LRMDA: variants seen among roughly 807,000 people sequenced by gnomAD.
LRMDA encodes the protein leucine rich melanocyte differentiation associated.
LRMDA carries 18 observed loss-of-function variants against 29.8 expected under a neutral mutation model. The observed-to-expected ratio is 0.60, with a 90% CI of 0.42 to 0.90. The LOEUF (loss-of-function observed/expected upper bound fraction) is 0.90, where lower values mean the gene tolerates loss of function less well. LRMDA is among the 40% of genes least tolerant of loss of function. LRMDA has a pLI of 0.00. For missense variants in LRMDA, 273 were observed against 273.9 expected (o/e 1.00, Z 0.02); for synonymous variants, 125 against 109.4 (o/e 1.14, Z -0.89).
intron 6 of LRMDA, among the ~76,000 whole-genome samples, chr10:76,381,619 C>T (rs922318524): frequency 1.3e-5 from 2 of 152,134 alleles, no homozygotes; most frequent in African/African-American, 4.8e-5. Flanking sequence ...ATCCGGTAAG[C>T]ATCTCCGTGC....
intron 5 of LRMDA, among the ~76,000 whole-genome samples, chr10:76,162,760 A>G (rs1236683541): frequency 1.3e-5 from 2 of 152,188 alleles, no homozygotes; most frequent in African/African-American, 2.4e-5. Context: ...ACAATTCAAC[A>G]TGAGATTTGG....
chr10:76,549,192 C>T lies in LRMDA; in HGVS notation c.602-8017C>T, dbSNP rs529065489. Reference sequence around the variant, plus strand: ...TTTCTTGAGGCTCTGGTTTGTCACACGACAATGAGCCTGCCCACTCTGTGA... The same window carrying T: ...TTTCTTGAGGCTCTGGTTTGTCACATGACAATGAGCCTGCCCACTCTGTGA... On this transcript the variant is annotated intron_variant, in intron 6 of 6. Coordinates refer to ENST00000611255, the MANE Select transcript of LRMDA (RefSeq NM_001305581.2). Among the ~76,000 whole-genome samples the T allele has an allele frequency of 4.2e-4, 64 of 152,260 alleles. 1 individual carries two copies. In the Middle Eastern group the frequency reaches 0.01, roughly 24 times the overall value.
rs1733595826 is a variant in LRMDA, at chr10:75,862,696, T to C, written c.132-173312T>C. 2.0e-5 allele frequency among the ~76,000 whole-genome samples: 3 copies of C among 152,266 alleles called. No homozygotes were observed. In the South Asian group the frequency reaches 6.2e-4, roughly 32 times the overall value. On this transcript the variant is annotated intron_variant, in intron 2 of 6. Coordinates refer to ENST00000611255, the MANE Select transcript of LRMDA (RefSeq NM_001305581.2). The stretch of plus-strand genomic sequence containing the variant: ...TTAACAGGGAAATAACTAAACCTCC[T>C]AGGGTTTGTTGGCGCTAATAAAATG...
chr10:75,623,564 C>T (rs563829351), intron 2 of LRMDA, among the ~76,000 whole-genome samples: 4 of 152,212 alleles, frequency 2.6e-5, no homozygotes, highest in South Asian at 2.1e-4. Flanking sequence ...AGGAGCTCAG[C>T]GTTTTCTTAA....
chr10:75,582,186 A>G (rs10824319), intron 2 of LRMDA, among the ~76,000 whole-genome samples: 93,134 of 152,106 alleles, frequency 0.61, 31,519 homozygotes, highest in East Asian at 0.85. Flanking sequence ...GCTCCACTAA[A>G]CAGTGCCCCA....
At position 76,036,060 on chromosome 10, in the gene LRMDA, A is replaced by G; in HGVS notation, c.184A>G (p.Asn62Asp). The G allele has an allele frequency of 1.2e-6, 2 of 1,614,128 alleles. No individual in the cohort carries two copies. The highest frequency in any genetic ancestry group is 1.7e-6 in the Non-Finnish European group (2 of 1,180,038). The change falls in exon 3 of 7, where the codon AAC (asparagine) becomes GAC (aspartate). Residue 62 changes from asparagine to aspartate, a missense_variant. By Grantham distance (23) the Asn-to-Asp change is conservative (BLOSUM62 1). Coordinates refer to ENST00000611255, the MANE Select transcript of LRMDA (RefSeq NM_001305581.2). ...FRSLEELILDNNQLGDDLVLP... is the reference protein window; with the variant it reads ...FRSLEELILDDNQLGDDLVLP... ...GAGCCTGGAGGAACTCATCTTGGACAACAATCAGCTGGGGGACGACCTTGT... is the reference window on the plus strand; with the variant it reads ...GAGCCTGGAGGAACTCATCTTGGACGACAATCAGCTGGGGGACGACCTTGT...
chr10:75,533,782 A>G lies in LRMDA; in HGVS notation c.131+95288A>G, dbSNP rs146089151. ...TTGGGCCCACTCAGAGGATGAGAGG[A>G]GAGAGAGAGTCAACGATATTCCACA... On this transcript the variant is annotated intron_variant, in intron 2 of 6. Transcript: ENST00000611255. Among the ~76,000 whole-genome samples the G allele has an allele frequency of 5.8e-3, 878 of 152,172 alleles. 11 individuals are homozygous for G. Among genetic ancestry groups the G allele is most frequent in the African/African-American group, 0.02 (848 of 41,512 alleles).
At chr10:75,930,327 C>T (rs1306264868) in intron 2 of LRMDA, among the ~76,000 whole-genome samples, 1 of 151,954 alleles carries the variant, frequency 6.6e-6, no homozygotes, top group Non-Finnish European at 1.5e-5. Flanking sequence ...ATAGATACAA[C>T]ACTTTGGGGA....
At chr10:76,108,281 C>T (rs1470890157) in intron 5 of LRMDA, among the ~76,000 whole-genome samples, 3 of 152,140 alleles carry the variant, frequency 2.0e-5, no homozygotes, top group African/African-American at 2.4e-5. Context: ...CAGCTACCCT[C>T]GGCCCAACTC....
At chr10:76,080,413 C>T (rs192087691) in intron 5 of LRMDA, among the ~76,000 whole-genome samples, 2 of 152,332 alleles carry the variant, frequency 1.3e-5, no homozygotes, top group East Asian at 3.9e-4. Flanking sequence ...GCATCTTCTA[C>T]TACACTGAGC....
intron 2 of LRMDA, among the ~76,000 whole-genome samples, chr10:75,528,194 A>G (rs2132041163): frequency 6.6e-6 from 1 of 152,312 alleles, no homozygotes; most frequent in African/African-American, 2.4e-5. Context: ...ATAGTTCCCC[A>G]ATGCCTGCGA....
chr10:75,504,212 TC>T (rs1845146539), intron 2 of LRMDA, among the ~76,000 whole-genome samples: 1 of 152,146 alleles, frequency 6.6e-6, no homozygotes, highest in African/African-American at 2.4e-5. Context: ...TAGGCTGGTC[TC>T]CAACTCCTGG....
At chr10:76,426,950 T>C (rs1486865900) in intron 6 of LRMDA, among the ~76,000 whole-genome samples, 1 of 152,210 alleles carries the variant, frequency 6.6e-6, no homozygotes, top group Non-Finnish European at 1.5e-5. Flanking sequence ...TGTGTTCTGT[T>C]CCATTGGTCT....
intron 2 of LRMDA, among the ~76,000 whole-genome samples, chr10:75,671,005 C>G (rs1034880393): frequency 6.6e-6 from 1 of 152,158 alleles, no homozygotes; most frequent in African/African-American, 2.4e-5. Flanking sequence ...GAGCAAATCT[C>G]TGTGGTCCCT....
At chr10:75,955,504 T>A (rs1846648988) in intron 2 of LRMDA, among the ~76,000 whole-genome samples, 1 of 152,192 alleles carries the variant, frequency 6.6e-6, no homozygotes. Flanking sequence ...TGGCCCAAGG[T>A]GGTATTCTGC....
intron 2 of LRMDA, among the ~76,000 whole-genome samples, chr10:75,670,588 G>A (rs1427406695): frequency 2.6e-5 from 4 of 152,198 alleles, no homozygotes; most frequent in Non-Finnish European, 5.9e-5. Context: ...GCTCCAAGGA[G>A]GCCTCTGGGA....
At position 76,103,528 on chromosome 10, in the gene LRMDA, C is replaced by T. The variant is rs138838840; in HGVS notation, c.516+44745C>T. 1.4e-4 allele frequency among the ~76,000 whole-genome samples: 22 copies of T among 152,310 alleles called. No individual in the cohort carries two copies. The East Asian group carries it at 4.2e-3, about 29-fold the overall frequency. On this transcript the variant is annotated intron_variant, in intron 5 of 6. Coordinates refer to ENST00000611255, the MANE Select transcript of LRMDA (RefSeq NM_001305581.2). ...GTGCTCAGGTTTTGAACAAGGGCAG[C>T]ATGATGGAGCCTGACTTACTCATAC...
intron 2 of LRMDA, among the ~76,000 whole-genome samples, chr10:75,686,455 C>T (rs925819626): frequency 6.6e-6 from 1 of 152,220 alleles, no homozygotes; most frequent in African/African-American, 2.4e-5. Flanking sequence ...ATAAGACTGA[C>T]TTAATGGCTG....
chr10:75,804,208 G>C (rs890967856), intron 2 of LRMDA, among the ~76,000 whole-genome samples: 9 of 152,096 alleles, frequency 5.9e-5, no homozygotes, highest in African/African-American at 2.2e-4. Flanking sequence ...TGATTCACTG[G>C]GTGTTAGATG....
Sources: gnomAD v4.1 joint callset for allele counts (sites outside exome capture counted in the v4.1 genomes callset) on GRCh38, gnomAD v4.1.1 for gene constraint, MANE v1.5 for transcripts, NCBI Gene and HGNC (gene_info 2026-07-23, HGNC 2026-07-21) for gene names.